TBC1D30: variants seen among roughly 807,000 people sequenced by gnomAD.
TBC1D30 encodes TBC1 domain family, member 30.
TBC1D30 carries 31 observed loss-of-function variants against 63.2 expected under a neutral mutation model. That is an observed-to-expected ratio of 0.49 (90% CI 0.37 to 0.66). The LOEUF (loss-of-function observed/expected upper bound fraction) is 0.66. Among genes scored for constraint, TBC1D30 ranks in the 30% least tolerant of loss-of-function variants. TBC1D30 has a pLI of 0.00. For missense variants in TBC1D30, 810 were observed against 953.6 expected, an observed-to-expected ratio of 0.85 and a Z score of 1.98; for synonymous variants, 307 against 361.5, an observed-to-expected ratio of 0.85 and a Z score of 1.71.
chr12:64,847,865 T>C (rs1271159965), intron 8 of TBC1D30, among the ~76,000 whole-genome samples: 1 of 151,994 alleles, frequency 6.6e-6, no homozygotes. Flanking sequence ...AGGTGTTGGA[T>C]GAAATGTTCT....
chr12:64,854,953 A>G (rs1592642545), intron 8 of TBC1D30, among the ~76,000 whole-genome samples: 1 of 152,318 alleles, frequency 6.6e-6, no homozygotes, highest in East Asian at 1.9e-4. Flanking sequence ...TTCAGATTGA[A>G]GAACTCTCTT....
At chr12:64,844,859 A>G (rs1665286741) in intron 8 of TBC1D30, among the ~76,000 whole-genome samples, 1 of 152,192 alleles carries the variant, frequency 6.6e-6, no homozygotes, top group South Asian at 2.1e-4. Context: ...AAGTGAGAAC[A>G]TTCAAAGTTT....
chr12:64,784,870 TA>T (rs5798754), intron 1 of TBC1D30, among the ~76,000 whole-genome samples: 102,170 of 147,992 alleles, frequency 0.69, 36,225 homozygotes, highest in African/African-American at 0.89. Flanking sequence ...TAAAATAAAG[TA>T]AAAAAAAAAA....
intron 2 of TBC1D30, among the ~76,000 whole-genome samples, chr12:64,813,970 T>A (rs1335958603): frequency 6.6e-6 from 1 of 152,220 alleles, no homozygotes; most frequent in Non-Finnish European, 1.5e-5. Flanking sequence ...GGAAAGAGAC[T>A]GCCTATGAAT....
chr12:64,819,519 C>A (rs56739324), intron 2 of TBC1D30, among the ~76,000 whole-genome samples: 2,112 of 147,028 alleles, frequency 0.014, 61 homozygotes, highest in African/African-American at 0.05. Context: ...CAGGTTCAAG[C>A]GATTCTCCTG....
At position 64,875,197 on chromosome 12, in the gene TBC1D30, G is replaced by C; in HGVS notation, c.1695G>C (p.Trp565Cys). ...EDLKTKLNSP[W>C]RTHIRVHKKN... ...TTAAGACGAAGCTCAACTCCCCGTG[G>C]CGAACTCACATCCGAGTCCACAAAA... is the stretch of plus-strand genomic sequence containing the variant. The change falls in exon 12 of 12, where the codon TGG (tryptophan) becomes TGC (cysteine). Residue 565 changes from tryptophan to cysteine, a missense_variant. By Grantham distance (215) the Trp-to-Cys change is radical (BLOSUM62 -2). Transcript: ENST00000539867. 1.2e-5 allele frequency: 19 copies of C among 1,536,350 alleles called. No homozygotes were observed. Among genetic ancestry groups the C allele is most frequent in the Non-Finnish European group, 1.7e-5 (19 of 1,146,928 alleles).
At chr12:64,781,216 C>T (rs1343288718) in exon 1 of TBC1D30, 16 of 1,125,926 alleles carry the variant, frequency 1.4e-5, no homozygotes, top group Non-Finnish European at 1.8e-5. Context: ...GTGCCGGCGA[C>T]TCCCGCGTGC....
intron 1 of TBC1D30, among the ~76,000 whole-genome samples, chr12:64,764,410 G>GA (rs1484040144): frequency 6.6e-6 from 1 of 152,138 alleles, no homozygotes; most frequent in Non-Finnish European, 1.5e-5. Flanking sequence ...CATGACCTCT[G>GA]AAGTGTAACT....
chr12:64,834,649 T>C (rs1875172420), intron 5 of TBC1D30, among the ~76,000 whole-genome samples: 1 of 150,686 alleles, frequency 6.6e-6, no homozygotes, highest in Non-Finnish European at 1.5e-5. Flanking sequence ...TCTCAGGTGA[T>C]CCTCCTGCCT....
chr12:64,822,425 C>T (rs1873939568), upstream of TBC1D30, among the ~76,000 whole-genome samples: 1 of 152,154 alleles, frequency 6.6e-6, no homozygotes, highest in Non-Finnish European at 1.5e-5. Context: ...AAGTGATTGT[C>T]CCACCTTGGC....
intron 8 of TBC1D30, among the ~76,000 whole-genome samples, chr12:64,844,423 G>C (rs1179931608): frequency 1.3e-5 from 2 of 152,006 alleles, no homozygotes; most frequent in African/African-American, 4.8e-5. Context: ...ATATATTTAT[G>C]GGGTACATGA....
chr12:64,841,134 T>C (rs887455168), intron 7 of TBC1D30, among the ~76,000 whole-genome samples: 3 of 152,154 alleles, frequency 2.0e-5, no homozygotes, highest in African/African-American at 7.2e-5. Flanking sequence ...GCCTGTAATC[T>C]TCCCCACAAA....
At chr12:64,835,569 A>G (rs1214018219) in intron 5 of TBC1D30, among the ~76,000 whole-genome samples, 1 of 152,208 alleles carries the variant, frequency 6.6e-6, no homozygotes, top group Non-Finnish European at 1.5e-5. Flanking sequence ...GGTCAGGTAC[A>G]TAGCATGCCA....
intron 8 of TBC1D30, among the ~76,000 whole-genome samples, chr12:64,853,023 A>G (rs1285744405): frequency 6.6e-6 from 1 of 152,118 alleles, no homozygotes; most frequent in Non-Finnish European, 1.5e-5. Context: ...CACTGTGCGG[A>G]GAGATCCACT....
At chr12:64,797,723 A>C (rs1872364702) in intron 2 of TBC1D30, among the ~76,000 whole-genome samples, 1 of 152,160 alleles carries the variant, frequency 6.6e-6, no homozygotes, top group Non-Finnish European at 1.5e-5. Context: ...TTAACAGAGA[A>C]AATGTAAGCA....
Position 64,824,707 on chromosome 12 carries a change from G to T in TBC1D30, c.-173G>T. 1.2e-6 allele frequency: 1 copy of T among 864,928 alleles called. No individual in the cohort carries two copies. The highest frequency in any genetic ancestry group is 1.8e-5 in the African/African-American group (1 of 55,874). 53.6% of individuals were successfully genotyped at this position (864,928 alleles called of 1,614,324 possible). A position where few individuals can be genotyped will look rare whatever the true frequency, so the allele number is the denominator to read the frequency against. ...CTTCCCTGCGCTCGGCGGCTCCCGC[G>T]GTGCCCCGTAAGTCCCCGTGACCCT... On this transcript the variant is annotated 5_prime_UTR_variant, in exon 1 of 12. Coordinates refer to ENST00000539867, the MANE Select transcript of TBC1D30 (RefSeq NM_015279.2).
At chr12:64,795,403 C>T (rs776993804) in intron 2 of TBC1D30, among the ~76,000 whole-genome samples, 7 of 152,176 alleles carry the variant, frequency 4.6e-5, no homozygotes, top group African/African-American at 1.2e-4. Context: ...ACTCTGTTAT[C>T]ACTCTCTTCA....
At chr12:64,837,302 T>G (rs1875453311) in intron 6 of TBC1D30, among the ~76,000 whole-genome samples, 1 of 152,112 alleles carries the variant, frequency 6.6e-6, no homozygotes, top group Non-Finnish European at 1.5e-5. Context: ...TTCAAGCATA[T>G]TTATTGTGTA....
chr12:64,804,700 C>A (rs1420740726), intron 2 of TBC1D30, among the ~76,000 whole-genome samples: 2 of 152,138 alleles, frequency 1.3e-5, no homozygotes, highest in Admixed American at 1.3e-4. Flanking sequence ...GAAAGGGGCA[C>A]AAAATTCATT....
Sources: gnomAD v4.1 joint callset for allele counts (sites outside exome capture counted in the v4.1 genomes callset) on GRCh38, gnomAD v4.1.1 for gene constraint, MANE v1.5 for transcripts, NCBI Gene and HGNC (gene_info 2026-07-23, HGNC 2026-07-21) for gene names.